Variants in IQCM observed in about 807,000 individuals in gnomAD.
The protein encoded by IQCM is IQ domain-containing protein M.
IQCM carries 45 observed loss-of-function variants against 57.6 expected under a neutral mutation model. The observed-to-expected ratio is 0.78, with a 90% CI of 0.62 to 1.00. The LOEUF is 1.00. Ranked by LOEUF, IQCM falls within the 50% of genes least tolerant of loss-of-function variation. The probability of loss-of-function intolerance (pLI) is 0.00; values close to 1 mark genes in which losing one functional copy is unlikely to be tolerated. For synonymous variants in IQCM, 148 were observed against 158.9 expected, an observed-to-expected ratio of 0.93 and a Z score of 0.51; for missense variants, 468 against 511.6, an observed-to-expected ratio of 0.91 and a Z score of 0.82.
In IQCM at chr4:149,781,697, C is replaced by T. The variant is rs76102316; in HGVS notation, c.-49+33614G>A. ...CAGTACTCTCTGCAGTTTCAGACAT[C>T]TGCTGGGGGTCTTGGAATGCATCCC... On this transcript the variant is annotated intron_variant, in intron 2 of 13. Coordinates refer to ENST00000636793, the MANE Select transcript of IQCM (RefSeq NM_001363507.2). Among the ~76,000 whole-genome samples, 1,161 of 152,236 alleles carry T rather than the reference C, an allele frequency of 7.6e-3. 21 individuals carry two copies. The highest frequency in any genetic ancestry group is 0.027 in the African/African-American group (1,101 of 41,544).
chr4:149,793,375 C>T (rs978452113), intron 2 of IQCM, among the ~76,000 whole-genome samples: 2 of 152,048 alleles, frequency 1.3e-5, no homozygotes, highest in Non-Finnish European at 1.5e-5. Context: ...TCATTTTCCA[C>T]CTTTTGTCAG....
At chr4:149,642,219 G>A (rs1452148341) in intron 7 of IQCM, among the ~76,000 whole-genome samples, 4 of 152,060 alleles carry the variant, frequency 2.6e-5, no homozygotes, top group African/African-American at 9.7e-5. Context: ...TAAAACAATA[G>A]AATTATAGTA....
At chr4:149,746,161 C>T (rs1252425472) in intron 2 of IQCM, among the ~76,000 whole-genome samples, 1 of 152,016 alleles carries the variant, frequency 6.6e-6, no homozygotes, top group Non-Finnish European at 1.5e-5. Flanking sequence ...CATTTACTAC[C>T]CCAAACTTTC....
intron 12 of IQCM, among the ~76,000 whole-genome samples, chr4:149,449,876 A>G (rs959871486): frequency 2.0e-5 from 3 of 151,834 alleles, no homozygotes; most frequent in African/African-American, 7.2e-5. Flanking sequence ...TTGATAAGGA[A>G]TCAAAAAAGA....
chr4:149,636,467 C>CCT (rs762737818), intron 7 of IQCM, among the ~76,000 whole-genome samples: 1 of 152,070 alleles, frequency 6.6e-6, no homozygotes, highest in African/African-American at 2.4e-5. Context: ...CCATGATAGA[C>CCT]GTGTGTGGAT....
At chr4:149,746,745 A>G (rs958236972) in intron 2 of IQCM, among the ~76,000 whole-genome samples, 2 of 152,220 alleles carry the variant, frequency 1.3e-5, no homozygotes, top group Non-Finnish European at 2.9e-5. Context: ...ATCAGTTTCT[A>G]AAACACTATT....
intron 5 of IQCM, among the ~76,000 whole-genome samples, chr4:149,712,649 T>G (rs1561187985): frequency 2.0e-5 from 3 of 152,172 alleles, no homozygotes; most frequent in Non-Finnish European, 4.4e-5. Context: ...AGGCTTACTT[T>G]CTAGCATAGA....
At chr4:149,691,913 T>A (rs921262237) in intron 5 of IQCM, 1 of 152,210 alleles carries the variant, frequency 6.6e-6, no homozygotes, top group Non-Finnish European at 1.5e-5. Context: ...AAAATACACA[T>A]CTATGCTTAA....
intron 2 of IQCM, among the ~76,000 whole-genome samples, chr4:149,771,122 T>C (rs2149987658): frequency 6.6e-6 from 1 of 152,206 alleles, no homozygotes; most frequent in South Asian, 2.1e-4. Flanking sequence ...TTAGCAGTTA[T>C]ATATTTTCTA....
chr4:149,593,202 T>A (rs1753384768), intron 8 of IQCM, among the ~76,000 whole-genome samples: 1 of 152,150 alleles, frequency 6.6e-6, no homozygotes. Context: ...CTAGGTATTT[T>A]ATTCTCTTTG....
chr4:149,489,149 C>T (rs1352547002), intron 12 of IQCM, among the ~76,000 whole-genome samples: 1 of 152,004 alleles, frequency 6.6e-6, no homozygotes, highest in Non-Finnish European at 1.5e-5. Context: ...CATAATTCAA[C>T]AAGCAAGGAG....
intron 8 of IQCM, among the ~76,000 whole-genome samples, chr4:149,591,091 A>T (rs1405868878): frequency 6.6e-6 from 1 of 152,030 alleles, no homozygotes; most frequent in Non-Finnish European, 1.5e-5. Context: ...GATGTATTGA[A>T]AACTACTTTT....
chr4:149,703,600 A>ACAG lies in IQCM; in HGVS notation c.386-17133_386-17132insCTG. Reference sequence around the variant, plus strand: ...GTTATGAGCATGTTGCTCTTTGCATATCAAACATACTGTCAGACACTGCAG... The same window carrying ACAG: ...GTTATGAGCATGTTGCTCTTTGCATACAGTCAAACATACTGTCAGACACTGCAG... On this transcript the variant is annotated intron_variant, in intron 5 of 13. Coordinates refer to ENST00000636793, the MANE Select transcript of IQCM (RefSeq NM_001363507.2). Among the ~76,000 whole-genome samples the ACAG allele has an allele frequency of 2.0e-5, 3 of 152,054 alleles. 1 individual carries two copies. The South Asian group carries it at 6.2e-4, about 32-fold the overall frequency.
At chr4:149,723,753 T>G (rs1765651599) in intron 5 of IQCM, among the ~76,000 whole-genome samples, 1 of 152,018 alleles carries the variant, frequency 6.6e-6, no homozygotes, top group Non-Finnish European at 1.5e-5. Context: ...GTTTTGTTGT[T>G]GTTGTTATTT....
intron 13 of IQCM, among the ~76,000 whole-genome samples, chr4:149,356,020 T>G (rs1452833932): frequency 3.3e-5 from 5 of 152,218 alleles, no homozygotes; most frequent in Non-Finnish European, 7.3e-5. Context: ...TTTCATGTGT[T>G]TTTTGGCTGC....
intron 12 of IQCM, among the ~76,000 whole-genome samples, chr4:149,507,712 A>C (rs893064907): frequency 6.6e-6 from 1 of 152,124 alleles, no homozygotes; most frequent in African/African-American, 2.4e-5. Flanking sequence ...CAGCATGACA[A>C]TGCAATAGAA....
At chr4:149,561,022 C>T (rs762669795) in intron 10 of IQCM, among the ~76,000 whole-genome samples, 2 of 152,104 alleles carry the variant, frequency 1.3e-5, no homozygotes, top group Admixed American at 1.3e-4. Context: ...AGGATTTTGA[C>T]AGTAGGCAAA....
intron 12 of IQCM, among the ~76,000 whole-genome samples, chr4:149,467,927 G>A (rs1423633902): frequency 3.9e-5 from 6 of 152,104 alleles, no homozygotes; most frequent in Admixed American, 3.9e-4. Context: ...ATCAATGCAG[G>A]GCACAGAGTA....
At chr4:149,726,114 AGAAAGAAAGAAAG>A (rs1765893390) in intron 5 of IQCM, among the ~76,000 whole-genome samples, 1 of 149,416 alleles carries the variant, frequency 6.7e-6, no homozygotes, top group Non-Finnish European at 1.5e-5. Flanking sequence ...AAAGAAAGAA[AGAAAGAAAGAAAG>A]AAAGAAAGAA....
Sources: gnomAD v4.1 joint callset for allele counts (sites outside exome capture counted in the v4.1 genomes callset) on GRCh38, gnomAD v4.1.1 for gene constraint, MANE v1.5 for transcripts, NCBI Gene and HGNC (gene_info 2026-07-23, HGNC 2026-07-21) for gene names.